ATP5PB: variants seen among roughly 807,000 people sequenced by gnomAD.
The protein encoded by ATP5PB is ATP synthase peripheral stalk subunit b, mitochondrial.
Under a neutral mutation model 34.5 loss-of-function variants are expected in ATP5PB, and 21 were observed. The observed-to-expected ratio is 0.61, with a 90% CI of 0.43 to 0.88. The LOEUF (loss-of-function observed/expected upper bound fraction) is 0.88. ATP5PB is among the 40% of genes least tolerant of loss of function. The pLI is 0.00. For synonymous variants in ATP5PB, 108 were observed against 114.1 expected (o/e 0.95, Z 0.34); for missense variants, 293 against 317.4 (o/e 0.92, Z 0.58).
At chr1:111,454,435 G>A in intron 3 of ATP5PB, 79 bp downstream of exon 3, 1 of 1,475,018 alleles carries the variant, frequency 6.8e-7, no homozygotes, top group Non-Finnish European at 9.1e-7. Context: ...TTCTTCTTTG[G>A]TTTTTGTTGT....
intron 4 of ATP5PB, 50 bp from the exon 5 acceptor site, chr1:111,456,580 T>C (rs760874937): frequency 1.3e-6 from 2 of 1,578,254 alleles, no homozygotes; most frequent in South Asian, 2.4e-5. Flanking sequence ...ATCTCCTTTT[T>C]TTACCCTTTG....
Position 111,456,704 on chromosome 1 carries a change from G to A in ATP5PB, c.462G>A (p.Lys154=). 1 of 1,613,594 alleles carries A rather than the reference G, an allele frequency of 6.2e-7. No individual in the cohort carries two copies. Among genetic ancestry groups the A allele is most frequent in the East Asian group, 2.2e-5 (1 of 44,828 alleles). Residue 154 remains lysine, a synonymous_variant, in exon 5 of 7, where the codon AAG becomes AAA. Coordinates refer to ENST00000369722, the MANE Select transcript of ATP5PB (RefSeq NM_001688.5). Reference sequence around the variant, plus strand: ...TCCAGAATGCAATTGATACGGAGAAGTCACAACAGGCACTGGTTCAGAAGC... The same window carrying A: ...TCCAGAATGCAATTGATACGGAGAAATCACAACAGGCACTGGTTCAGAAGC... ...QHIQNAIDTE[K]SQQALVQKRH...
At chr1:111,459,783 T>G in intron 6 of ATP5PB, 147 bp downstream of exon 6, 1 of 812,962 alleles carries the variant, frequency 1.2e-6, no homozygotes, top group East Asian at 2.8e-5. Context: ...TGGATAGTGA[T>G]AAGCAGGAAG....
At position 111,459,609 on chromosome 1, in the gene ATP5PB, C is replaced by T. The variant is rs1351088755; in HGVS notation, c.666C>T (p.His222=). 28 of 1,613,672 alleles carry T rather than the reference C, an allele frequency of 1.7e-5. No homozygotes were observed. The highest frequency in any genetic ancestry group is 2.2e-5 in the Non-Finnish European group (26 of 1,179,816). Residue 222 remains histidine, a synonymous_variant, in exon 6 of 7, where the codon CAC becomes CAT. Transcript: ENST00000369722. Reference sequence around the variant, plus strand: ...ACATGATAAATTGGGTGGAGAAGCACGTGGTGCAAAGCATCTCCACACAGC... The same window carrying T: ...ACATGATAAATTGGGTGGAGAAGCATGTGGTGCAAAGCATCTCCACACAGC... ...QEHMINWVEK[H]VVQSISTQQE... is the part of the protein sequence containing the mutation.
rs758823326 is a variant in ATP5PB at position 111,459,457 on chromosome 1, A to G, written c.514A>G (p.Asn172Asp). 8 of 1,600,874 alleles carry G rather than the reference A, an allele frequency of 5.0e-6. No individual in the cohort carries two copies. Among genetic ancestry groups the G allele is most frequent in the Non-Finnish European group, 6.8e-6 (8 of 1,171,878 alleles). ...KRHYLFDVQR[N>D]NIAMALEVTY... ...TTATCATTTCTTAATTTTGCCCCAGAATAACATTGCTATGGCTTTGGAAGT... is the reference window on the plus strand; with the variant it reads ...TTATCATTTCTTAATTTTGCCCCAGGATAACATTGCTATGGCTTTGGAAGT... Residue 172 changes from asparagine to aspartate, a missense_variant and splice_region_variant, in exon 6 of 7, where the codon AAT (asparagine) becomes GAT (aspartate). By Grantham distance (23) the Asn-to-Asp change is conservative. Transcript: ENST00000369722.
At chr1:111,450,287 A>G (rs1228051485) in intron 2 of ATP5PB, among the ~76,000 whole-genome samples, 1 of 152,214 alleles carries the variant, frequency 6.6e-6, no homozygotes, top group Non-Finnish European at 1.5e-5. Flanking sequence ...TTTTGCTGCC[A>G]TATGATAACA....
At chr1:111,460,009 T>C (rs548120327) in intron 6 of ATP5PB, among the ~76,000 whole-genome samples, 182 of 152,126 alleles carry the variant, frequency 1.2e-3, no homozygotes, top group African/African-American at 4.0e-3. Flanking sequence ...TACAAAAAAT[T>C]TAAAAAGTAG....
chr1:111,450,044 T>C (rs1653270818), intron 2 of ATP5PB, among the ~76,000 whole-genome samples, 171 bp downstream of exon 2: 1 of 152,164 alleles, frequency 6.6e-6, no homozygotes, highest in African/African-American at 2.4e-5. Context: ...AGGAACGCTC[T>C]CATGTCACCT....
At chr1:111,459,353 G>T (rs948204842) in intron 5 of ATP5PB, 104 bp from the exon 6 acceptor site, 10 of 1,113,436 alleles carry the variant, frequency 9.0e-6, no homozygotes, top group East Asian at 2.6e-5. Flanking sequence ...AGAATTTCAC[G>T]TAAAATACAA....
intron 2 of ATP5PB, among the ~76,000 whole-genome samples, chr1:111,451,144 C>T (rs1259708828): frequency 2.0e-5 from 3 of 152,172 alleles, no homozygotes; most frequent in African/African-American, 7.2e-5. Context: ...TCCAGAGCTC[C>T]CCATCCCACT....
chr1:111,456,871 G>C, intron 5 of ATP5PB, 116 bp downstream of exon 5: 12 of 1,301,512 alleles, frequency 9.2e-6, no homozygotes, highest in Non-Finnish European at 1.2e-5. Flanking sequence ...TTAGAAAAGA[G>C]AAGATTTGTG....
intron 5 of ATP5PB, among the ~76,000 whole-genome samples, chr1:111,459,016 A>G (rs1653548921): frequency 6.6e-6 from 1 of 152,242 alleles, no homozygotes; most frequent in Non-Finnish European, 1.5e-5. Flanking sequence ...TATGACATAA[A>G]CACAAAGACA....
chr1:111,453,562 C>T (rs889332597), intron 2 of ATP5PB, among the ~76,000 whole-genome samples: 24 of 151,988 alleles, frequency 1.6e-4, no homozygotes, highest in African/African-American at 5.8e-4. Flanking sequence ...TGTATCATCT[C>T]AATTCAAAGA....
At chr1:111,459,688 T>C (rs1365431652) in intron 6 of ATP5PB, 52 bp downstream of exon 6, 1 of 1,551,690 alleles carries the variant, frequency 6.4e-7, no homozygotes, top group Non-Finnish European at 8.8e-7. Flanking sequence ...TCTTAACAAG[T>C]ATCTGCTGAT....
intron 4 of ATP5PB, among the ~76,000 whole-genome samples, 179 bp from the exon 5 acceptor site, chr1:111,456,451 A>C (rs573758432): frequency 1.3e-5 from 2 of 152,372 alleles, no homozygotes; most frequent in Non-Finnish European, 2.9e-5. Flanking sequence ...TTAATCATTC[A>C]AAAGATATTC....
chr1:111,454,679 G>A (rs1345471280), intron 3 of ATP5PB, among the ~76,000 whole-genome samples: 1 of 152,058 alleles, frequency 6.6e-6, no homozygotes, highest in Non-Finnish European at 1.5e-5. Flanking sequence ...CTGGGCTTGT[G>A]GGATCCACCC....
intron 3 of ATP5PB, 25 bp from the exon 4 acceptor site, chr1:111,456,061 A>G (rs1196766004): frequency 2.6e-6 from 4 of 1,536,808 alleles, no homozygotes; most frequent in South Asian, 1.2e-5. Flanking sequence ...ATATCCCTTC[A>G]TAAAATAACT....
Position 111,461,003 on chromosome 1 carries a change from A to G in ATP5PB, c.*9A>G. 6 of 1,610,684 alleles carry G rather than the reference A, an allele frequency of 3.7e-6. No homozygotes were observed. The highest frequency in any genetic ancestry group is 5.1e-6 in the Non-Finnish European group (6 of 1,178,690). On this transcript the variant is annotated 3_prime_UTR_variant, in exon 7 of 7. Transcript: ENST00000369722. ...CACAGCCAGTTATGTAAATGTATCTATCCCAATTGAGACAGCTAGAAACAG... is the reference window on the plus strand; with the variant it reads ...CACAGCCAGTTATGTAAATGTATCTGTCCCAATTGAGACAGCTAGAAACAG...
chr1:111,454,579 G>A (rs1440949470), intron 3 of ATP5PB, among the ~76,000 whole-genome samples: 1 of 151,988 alleles, frequency 6.6e-6, no homozygotes. Context: ...AGCCTCCCGA[G>A]TAGCTGGGAC....
Sources: gnomAD v4.1 joint callset for allele counts (sites outside exome capture counted in the v4.1 genomes callset) on GRCh38, gnomAD v4.1.1 for gene constraint, MANE v1.5 for transcripts, NCBI Gene and HGNC (gene_info 2026-07-23, HGNC 2026-07-21) for gene names.